MEMO1: variants seen among roughly 807,000 people sequenced by gnomAD.
MEMO1 encodes protein MEMO1.
In MEMO1, 6 loss-of-function variants were observed where a neutral mutation model predicts 45.2. The observed-to-expected ratio is 0.13, with a 90% CI of 0.07 to 0.26. The LOEUF (loss-of-function observed/expected upper bound fraction) is 0.26, where lower values mean the gene tolerates loss of function less well. Ranked by LOEUF, MEMO1 falls within the 10% of genes least tolerant of loss-of-function variation. The pLI is 1.00. For synonymous variants in MEMO1, 78 were observed against 124.3 expected (o/e 0.63, Z 2.48); for missense variants, 184 against 370.5 (o/e 0.50, Z 4.13).
chr2:31,878,311 A>G (rs532946962), intron 8 of MEMO1, among the ~76,000 whole-genome samples: 1 of 152,330 alleles, frequency 6.6e-6, no homozygotes, highest in African/African-American at 2.4e-5. Context: ...CTGTAAAGAC[A>G]CTGGCTTTTA....
intron 2 of MEMO1, among the ~76,000 whole-genome samples, chr2:32,000,265 T>C (rs1320557730): frequency 1.3e-5 from 2 of 151,730 alleles, no homozygotes; most frequent in Non-Finnish European, 2.9e-5. Context: ...GTTTCACTCT[T>C]GTTGCCCAGA....
intron 2 of MEMO1, among the ~76,000 whole-genome samples, chr2:31,949,834 A>T (rs1666628117): frequency 6.6e-6 from 1 of 152,190 alleles, no homozygotes; most frequent in Non-Finnish European, 1.5e-5. Flanking sequence ...TAGCAGAACC[A>T]TAATGTGCTT....
Position 31,920,262 on chromosome 2 carries a change from G to A in MEMO1, c.325+536C>T, listed in dbSNP as rs555303517. On this transcript the variant is annotated intron_variant, in intron 5 of 9. Transcript: ENST00000404530. ...ACTAAATAAAAACGTGACTCTGGAC[G>A]CCTATGGAAAAAAATAAATCAACCA... Among the ~76,000 whole-genome samples the A allele has an allele frequency of 7.3e-5, 11 of 151,560 alleles. No individual in the cohort carries two copies. The East Asian group carries it at 9.7e-4, about 13-fold the overall frequency.
chr2:31,984,415 A>G (rs1671023616), intron 2 of MEMO1, among the ~76,000 whole-genome samples: 1 of 152,218 alleles, frequency 6.6e-6, no homozygotes, highest in South Asian at 2.1e-4. Context: ...TTGGTCATGA[A>G]AAACAAAGAA....
intron 6 of MEMO1, among the ~76,000 whole-genome samples, chr2:31,901,464 A>C (rs1436375709): frequency 6.6e-6 from 1 of 152,100 alleles, no homozygotes; most frequent in Admixed American, 6.5e-5. Flanking sequence ...CTAAGTGAAA[A>C]ATAGACTACA....
chr2:31,934,570 C>G (rs191718556), intron 3 of MEMO1, among the ~76,000 whole-genome samples: 150 of 151,562 alleles, frequency 9.9e-4, no homozygotes, highest in African/African-American at 3.4e-3. Flanking sequence ...AAGGAAGGGC[C>G]TAAAGACTAA....
intron 2 of MEMO1, among the ~76,000 whole-genome samples, chr2:32,002,168 A>AAAAAAT (rs1553383012): frequency 5.3e-5 from 4 of 74,902 alleles, no homozygotes; most frequent in Non-Finnish European, 9.5e-5. Context: ...AAAAAAAAAA[A>AAAAAAT]ATATATATAT....
chr2:31,892,747 G>A (rs1364222660), intron 6 of MEMO1, among the ~76,000 whole-genome samples: 1 of 152,074 alleles, frequency 6.6e-6, no homozygotes, highest in Non-Finnish European at 1.5e-5. Flanking sequence ...AGAATTAAAG[G>A]AAGTAAGTTT....
intron 6 of MEMO1, among the ~76,000 whole-genome samples, chr2:31,894,192 A>G (rs1427661841): frequency 6.6e-6 from 1 of 152,182 alleles, no homozygotes; most frequent in Non-Finnish European, 1.5e-5. Context: ...AACAAAAACA[A>G]TGAGAAGAGC....
chr2:32,009,048 G>A (rs1196718585), intron 2 of MEMO1, among the ~76,000 whole-genome samples: 1 of 152,146 alleles, frequency 6.6e-6, no homozygotes, highest in African/African-American at 2.4e-5. Context: ...AATCACAGTA[G>A]AACTGTCTTT....
intron 2 of MEMO1, among the ~76,000 whole-genome samples, chr2:31,979,266 C>T (rs568618246): frequency 2.6e-5 from 4 of 152,262 alleles, no homozygotes; most frequent in South Asian, 2.1e-4. Context: ...TCTCCCTCAA[C>T]GCCTGGGGAT....
rs775465431 is a variant in MEMO1 at position 31,966,532 on chromosome 2, A to T, written c.62-23149T>A. ...GATCACCTGAGGTCAGGAGTTCAAG[A>T]CCATGCTGGCCAACATGAGGAAACC... On this transcript the variant is annotated intron_variant, in intron 2 of 9. Coordinates refer to ENST00000404530, the MANE Select transcript of MEMO1 (RefSeq NM_001301833.4). Among the ~76,000 whole-genome samples the T allele has an allele frequency of 7.9e-5, 12 of 152,226 alleles. No homozygotes were observed. In the South Asian group the frequency reaches 8.3e-4, roughly 11 times the overall value.
rs532923329 is a variant in MEMO1 at position 31,969,181 on chromosome 2, T to C, written c.62-25798A>G. On this transcript the variant is annotated intron_variant, in intron 2 of 9. Coordinates refer to ENST00000404530, the MANE Select transcript of MEMO1 (RefSeq NM_001301833.4). Reference sequence around the variant, plus strand: ...TATATTAAATACACAGGAAACTTTCTGGCAGGATTCCTAATCTCCAATATT... The same window carrying C: ...TATATTAAATACACAGGAAACTTTCCGGCAGGATTCCTAATCTCCAATATT... 9.2e-5 allele frequency among the ~76,000 whole-genome samples: 14 copies of C among 151,936 alleles called. No homozygotes were observed. In the South Asian group the frequency reaches 2.9e-3, roughly 31 times the overall value.
intron 2 of MEMO1, among the ~76,000 whole-genome samples, chr2:31,989,183 G>A (rs1357149106): frequency 4.6e-5 from 7 of 150,730 alleles, no homozygotes; most frequent in Non-Finnish European, 8.8e-5. Context: ...AGCCAAGATC[G>A]CGCCATTGCA....
chr2:31,943,256 C>T lies in MEMO1; in HGVS notation c.143+46G>A, dbSNP rs542742680. On this transcript the variant is annotated intron_variant, in intron 3 of 9. Transcript: ENST00000404530. ...CTTCAGCCTGGGCGACACAGGGAGACTCCTTCTCAAAAAACAAAACAAAAA... is the reference window on the plus strand; with the variant it reads ...CTTCAGCCTGGGCGACACAGGGAGATTCCTTCTCAAAAAACAAAACAAAAA... 9 of 1,414,400 alleles carry T rather than the reference C, an allele frequency of 6.4e-6. No homozygotes were observed. The African/African-American group carries it at 1.3e-4, about 20-fold the overall frequency. The allele number at this position is 1,414,400 out of a possible 1,614,324, so 87.6% of individuals were successfully genotyped here. A position where few individuals can be genotyped will look rare whatever the true frequency, so the allele number is the denominator to read the frequency against.
At chr2:31,918,962 C>T (rs1040653416) in intron 5 of MEMO1, among the ~76,000 whole-genome samples, 1 of 151,950 alleles carries the variant, frequency 6.6e-6, no homozygotes, top group Non-Finnish European at 1.5e-5. Context: ...CCCTAAAACC[C>T]TCTCAGGAAG....
chr2:31,954,503 T>C (rs1484314165), intron 2 of MEMO1, among the ~76,000 whole-genome samples: 1 of 152,094 alleles, frequency 6.6e-6, no homozygotes, highest in African/African-American at 2.4e-5. Context: ...AGTCAAAAAG[T>C]AGTCTACAGA....
At chr2:31,902,002 G>A (rs984227154) in intron 6 of MEMO1, among the ~76,000 whole-genome samples, 77 of 152,190 alleles carry the variant, frequency 5.1e-4, no homozygotes, top group African/African-American at 1.8e-3. Flanking sequence ...ACCTGGTGCT[G>A]TAGCAGATGC....
intron 8 of MEMO1, among the ~76,000 whole-genome samples, chr2:31,874,117 AGAT>A (rs1333795391): frequency 6.6e-6 from 1 of 152,170 alleles, no homozygotes; most frequent in Non-Finnish European, 1.5e-5. Flanking sequence ...TGACATTTTC[AGAT>A]TATCCTTGCC....
Sources: gnomAD v4.1 joint callset for allele counts (sites outside exome capture counted in the v4.1 genomes callset) on GRCh38, gnomAD v4.1.1 for gene constraint, MANE v1.5 for transcripts, NCBI Gene and HGNC (gene_info 2026-07-23, HGNC 2026-07-21) for gene names.